The following NUBPL variants were observed in gnomAD, a reference collection of about 807,000 sequenced individuals.
NUBPL encodes the protein NUBP iron-sulfur cluster assembly factor, mitochondrial.
NUBPL carries 31 observed loss-of-function variants against 45.7 expected under a neutral mutation model. The observed-to-expected ratio is 0.68, with a 90% CI of 0.51 to 0.92. NUBPL has a LOEUF of 0.92. Among genes scored for constraint, NUBPL ranks in the 40% least tolerant of loss-of-function variants. The probability of loss-of-function intolerance (pLI) is 0.00; values close to 1 mark genes in which losing one functional copy is unlikely to be tolerated. For missense variants in NUBPL, 401 were observed against 398.7 expected (o/e 1.01, Z -0.05); for synonymous variants, 144 against 140.9 (o/e 1.02, Z -0.15).
intron 4 of NUBPL, among the ~76,000 whole-genome samples, chr14:31,640,275 C>G (rs1051139245): frequency 6.6e-5 from 10 of 152,102 alleles, no homozygotes; most frequent in South Asian, 2.1e-4. Context: ...CTTCTTTAAT[C>G]TTATGCTTAC....
intron 6 of NUBPL, among the ~76,000 whole-genome samples, 190 bp from the exon 7 acceptor site, chr14:31,787,590 G>C (rs1371079252): frequency 6.6e-6 from 1 of 152,158 alleles, no homozygotes; most frequent in Non-Finnish European, 1.5e-5. Flanking sequence ...ATTCAAAGAA[G>C]GCCTCCTAGT....
intron 6 of NUBPL, among the ~76,000 whole-genome samples, chr14:31,712,970 A>G (rs1219129924): frequency 6.6e-6 from 1 of 152,170 alleles, no homozygotes; most frequent in Non-Finnish European, 1.5e-5. Context: ...TTAGGAACAT[A>G]GGAATTAGGG....
intron 7 of NUBPL, among the ~76,000 whole-genome samples, chr14:31,797,791 T>C (rs1292066630): frequency 7.0e-6 from 1 of 142,446 alleles, no homozygotes; most frequent in Admixed American, 7.0e-5. Flanking sequence ...TGTTAGCTGG[T>C]GATTTTGCTC....
At chr14:31,768,246 T>G (rs558683486) in intron 6 of NUBPL, among the ~76,000 whole-genome samples, 2 of 152,364 alleles carry the variant, frequency 1.3e-5, no homozygotes, top group African/African-American at 4.8e-5. Context: ...ATTCTCATCT[T>G]AGATAGCTCT....
At chr14:31,735,965 G>A (rs2038157326) in intron 6 of NUBPL, among the ~76,000 whole-genome samples, 1 of 152,114 alleles carries the variant, frequency 6.6e-6, no homozygotes, top group Admixed American at 6.5e-5. Context: ...TATGGTGGTG[G>A]CCCATAAAAC....
At chr14:31,700,764 G>T (rs541563292) in intron 6 of NUBPL, among the ~76,000 whole-genome samples, 11 of 152,252 alleles carry the variant, frequency 7.2e-5, no homozygotes, top group African/African-American at 2.4e-4. Flanking sequence ...TTCTTGCCGG[G>T]CCTCAGCCGC....
At chr14:31,826,333 C>G (rs1234223266) in intron 7 of NUBPL, among the ~76,000 whole-genome samples, 2 of 151,968 alleles carry the variant, frequency 1.3e-5, no homozygotes, top group African/African-American at 4.8e-5. Context: ...GTTAGCCAGG[C>G]TGGTCTTGAA....
intron 6 of NUBPL, among the ~76,000 whole-genome samples, chr14:31,714,046 A>G (rs2037633763): frequency 6.6e-6 from 1 of 152,236 alleles, no homozygotes. Context: ...TACTGCTTAA[A>G]AGTAGGTCTA....
chr14:31,567,324 G>T (rs1041629249), intron 3 of NUBPL, among the ~76,000 whole-genome samples: 3 of 152,010 alleles, frequency 2.0e-5, no homozygotes, highest in Non-Finnish European at 4.4e-5. Context: ...AACCTGCGTG[G>T]GATTTGGCCC....
intron 4 of NUBPL, among the ~76,000 whole-genome samples, chr14:31,645,129 A>C (rs1216802914): frequency 1.3e-5 from 2 of 149,464 alleles, no homozygotes; most frequent in Non-Finnish European, 3.0e-5. Flanking sequence ...GCAGTGGCGC[A>C]ATCTTGGCTC....
chr14:31,841,919 T>TTTGTTTTTGTTTTTG (rs1202169966), intron 8 of NUBPL, among the ~76,000 whole-genome samples: 21 of 87,058 alleles, frequency 2.4e-4, no homozygotes, highest in Non-Finnish European at 4.2e-4. Flanking sequence ...ATTCTGGGCT[T>TTTGTTTTTGTTTTTG]TTTTTTTTTT....
chr14:31,783,014 G>A (rs1280610896), intron 6 of NUBPL, among the ~76,000 whole-genome samples: 3 of 152,078 alleles, frequency 2.0e-5, no homozygotes, highest in Non-Finnish European at 4.4e-5. Context: ...CAAACCAATT[G>A]GGTCAGTTTG....
chr14:31,691,073 C>CAGAA (rs2037082261), intron 6 of NUBPL, among the ~76,000 whole-genome samples: 2 of 168 alleles, frequency 0.012, 1 homozygote, highest in South Asian at 0.25. Flanking sequence ...AAAAAAAAAT[C>CAGAA]AGAAATTACG....
chr14:31,773,928 G>T (rs539210577), intron 6 of NUBPL, among the ~76,000 whole-genome samples: 2 of 152,322 alleles, frequency 1.3e-5, no homozygotes, highest in South Asian at 4.1e-4. Flanking sequence ...TTAAGAAGTT[G>T]TCCTGTCACT....
At chr14:31,610,960 C>T (rs1252999894) in intron 4 of NUBPL, among the ~76,000 whole-genome samples, 2 of 152,108 alleles carry the variant, frequency 1.3e-5, no homozygotes, top group African/African-American at 2.4e-5. Context: ...ATGACAGACC[C>T]TCAGCTAGCA....
At chr14:31,642,359 A>G (rs1248677463) in intron 4 of NUBPL, among the ~76,000 whole-genome samples, 1 of 152,202 alleles carries the variant, frequency 6.6e-6, no homozygotes, top group Non-Finnish European at 1.5e-5. Flanking sequence ...TGATTTTTGT[A>G]CATGGTGAGA....
intron 4 of NUBPL, among the ~76,000 whole-genome samples, chr14:31,645,775 C>CA (rs1555323283): frequency 4.8e-5 from 2 of 42,026 alleles, no homozygotes; most frequent in Admixed American, 2.3e-4. Context: ...ATACTTTACA[C>CA]CCCCCCCCCC....
intron 6 of NUBPL, among the ~76,000 whole-genome samples, chr14:31,724,829 C>T (rs1253680610): frequency 1.3e-5 from 2 of 151,996 alleles, no homozygotes; most frequent in Admixed American, 6.6e-5. Flanking sequence ...ATGATCCATG[C>T]TTTGGAAAAA....
In NUBPL at chr14:31,779,407, GA is replaced by G. The variant is rs2039153585; in HGVS notation, c.514-8372del. Among the ~76,000 whole-genome samples the G allele has an allele frequency of 2.6e-5, 4 of 152,096 alleles. No homozygotes were observed. The South Asian group carries it at 8.3e-4, about 32-fold the overall frequency. ...TAGCTGGCTTATGATGTGACTTGAA[GA>G]GAGCCGTGACAGAGTATGGAATGGA... On this transcript the variant is annotated intron_variant, in intron 6 of 10. Transcript: ENST00000281081.
Sources: allele counts gnomAD v4.1 joint callset (sites outside exome capture counted in the v4.1 genomes callset), GRCh38; gene constraint gnomAD v4.1.1; transcripts MANE v1.5; gene names NCBI Gene and HGNC (gene_info 2026-07-23, HGNC 2026-07-21).